Variants in ALK observed in about 807,000 individuals in gnomAD.
ALK encodes the protein ALK receptor tyrosine kinase.
A neutral mutation model predicts 163.1 loss-of-function variants in ALK; 74 were observed. That is an observed-to-expected ratio of 0.45 (90% CI 0.38 to 0.55). The LOEUF (loss-of-function observed/expected upper bound fraction) is 0.55, where lower values mean the gene tolerates loss of function less well. Among genes scored for constraint, ALK ranks in the 20% least tolerant of loss-of-function variants. ALK has a pLI of 0.00. For missense variants in ALK, 2,063 were observed against 2,105.3 expected (o/e 0.98, Z 0.39); for synonymous variants, 960 against 843.2 (o/e 1.14, Z -2.40).
chr2:29,259,736 T>C (rs1665037100), intron 11 of ALK, among the ~76,000 whole-genome samples: 1 of 152,144 alleles, frequency 6.6e-6, no homozygotes, highest in Admixed American at 6.5e-5. Context: ...TCATTCTGGG[T>C]TAATATTCTT....
intron 1 of ALK, among the ~76,000 whole-genome samples, chr2:29,802,770 T>A (rs1457652353): frequency 6.9e-6 from 1 of 144,470 alleles, no homozygotes; most frequent in Non-Finnish European, 1.5e-5. Context: ...CAAAAGAGAC[T>A]GGAACTCTTT....
At chr2:29,620,733 T>C (rs1181724084) in intron 3 of ALK, among the ~76,000 whole-genome samples, 3 of 152,168 alleles carry the variant, frequency 2.0e-5, no homozygotes, top group Non-Finnish European at 4.4e-5. Context: ...CCGTTCTAAA[T>C]GTTAGCAGAG....
At chr2:29,640,067 C>G (rs1382980406) in intron 3 of ALK, among the ~76,000 whole-genome samples, 1 of 152,172 alleles carries the variant, frequency 6.6e-6, no homozygotes, top group Admixed American at 6.5e-5. Context: ...AAGCTCAGCA[C>G]CTAATGCTGC....
At chr2:29,702,472 C>T (rs779238898) in intron 2 of ALK, among the ~76,000 whole-genome samples, 35 of 152,122 alleles carry the variant, frequency 2.3e-4, no homozygotes, top group Non-Finnish European at 4.6e-4. Flanking sequence ...AGGACTGAGT[C>T]AGAGGACACA....
intron 4 of ALK, among the ~76,000 whole-genome samples, chr2:29,454,509 C>T (rs1047008467): frequency 1.3e-5 from 2 of 152,070 alleles, no homozygotes; most frequent in Non-Finnish European, 2.9e-5. Context: ...TCCACAAATG[C>T]AGAACCCACA....
intron 3 of ALK, among the ~76,000 whole-genome samples, chr2:29,595,130 T>A (rs190184729): frequency 7.0e-4 from 106 of 152,306 alleles, no homozygotes; most frequent in African/African-American, 2.5e-3. Context: ...ATTTGAATAT[T>A]TGCATTACAC....
chr2:29,572,305 G>T (rs1213732525), intron 3 of ALK, among the ~76,000 whole-genome samples: 1 of 152,222 alleles, frequency 6.6e-6, no homozygotes, highest in East Asian at 1.9e-4. Context: ...GGAGACGTCA[G>T]CGTTGTGGGC....
At chr2:29,919,409 A>C (rs1210565557) in intron 1 of ALK, among the ~76,000 whole-genome samples, 2 of 141,648 alleles carry the variant, frequency 1.4e-5, no homozygotes, top group Admixed American at 7.0e-5. Context: ...GGATGAGTCG[A>C]GAGTGCATAG....
chr2:29,772,036 G>A (rs963644150), intron 1 of ALK, among the ~76,000 whole-genome samples: 12 of 152,206 alleles, frequency 7.9e-5, no homozygotes, highest in Non-Finnish European at 1.8e-4. Context: ...GCCAGATAAA[G>A]AGAATTCCCG....
intron 4 of ALK, among the ~76,000 whole-genome samples, chr2:29,513,650 G>A (rs1189139500): frequency 6.6e-6 from 1 of 151,680 alleles, no homozygotes; most frequent in Non-Finnish European, 1.5e-5. Context: ...TTGACAAATG[G>A]GATCTAATTA....
At chr2:29,468,316 T>C (rs1436300481) in intron 4 of ALK, among the ~76,000 whole-genome samples, 2 of 152,142 alleles carry the variant, frequency 1.3e-5, no homozygotes, top group Non-Finnish European at 2.9e-5. Context: ...CGTGAGCCAA[T>C]GCACCTGGCC....
rs917222669 is a variant in ALK, at chr2:29,202,575, C to T, written c.3938+4596G>A. On this transcript the variant is annotated intron_variant, in intron 26 of 28. Transcript: ENST00000389048. ...GTATGTTTCACATTTTTAAACAATG[C>T]GTGAAAGCGCAAACGATACTGTGTT... 9.2e-5 allele frequency among the ~76,000 whole-genome samples: 14 copies of T among 152,340 alleles called. No individual in the cohort carries two copies. In the East Asian group the frequency reaches 1.7e-3, roughly 19 times the overall value.
At chr2:29,292,558 C>T (rs1666060567) in intron 9 of ALK, among the ~76,000 whole-genome samples, 1 of 152,118 alleles carries the variant, frequency 6.6e-6, no homozygotes, top group African/African-American at 2.4e-5. Context: ...GGAAAAGTAG[C>T]TATGTGAGGT....
chr2:29,317,546 A>C (rs2148247171), intron 8 of ALK, among the ~76,000 whole-genome samples: 1 of 152,324 alleles, frequency 6.6e-6, no homozygotes, highest in Middle Eastern at 3.4e-3. Flanking sequence ...TGCTCTTCCA[A>C]GCCCTTTGGA....
At chr2:29,313,196 A>G (rs1324811992) in intron 8 of ALK, among the ~76,000 whole-genome samples, 2 of 152,182 alleles carry the variant, frequency 1.3e-5, no homozygotes, top group Non-Finnish European at 2.9e-5. Context: ...TTCTCCCTAG[A>G]TGGTCATCCG....
intron 1 of ALK, among the ~76,000 whole-genome samples, chr2:29,767,877 A>G (rs1323583229): frequency 1.3e-5 from 2 of 152,254 alleles, no homozygotes; most frequent in South Asian, 4.1e-4. Flanking sequence ...ATGAAAGGAC[A>G]TAACTCCAAG....
At chr2:29,847,829 G>T (rs775011678) in intron 1 of ALK, among the ~76,000 whole-genome samples, 1 of 151,718 alleles carries the variant, frequency 6.6e-6, no homozygotes, top group Non-Finnish European at 1.5e-5. Context: ...ATGAGAGAGC[G>T]TAGGAAGAGG....
chr2:29,229,062 A>G lies in ALK; in HGVS notation c.2637T>C (p.Gly879=). Residue 879 remains glycine (G), a synonymous_variant, in exon 16 of 29, where the codon GGT becomes GGC. Coordinates refer to ENST00000389048, the MANE Select transcript of ALK (RefSeq NM_004304.5). ...GLNGNSGAAG[G]GGGWNDNTSL... is the part of the protein sequence containing the mutation. ...AAGTGTTATCATTCCAGCCACCTCC[A>G]CCACCTGCGGGAAGAGATAGGGAAC... The G allele has an allele frequency of 6.2e-7, 1 of 1,613,730 alleles. No individual in the cohort carries two copies. Among genetic ancestry groups the G allele is most frequent in the Non-Finnish European group, 8.5e-7 (1 of 1,179,908 alleles).
At chr2:29,247,458 G>A (rs1558636888) in intron 12 of ALK, among the ~76,000 whole-genome samples, 1 of 152,248 alleles carries the variant, frequency 6.6e-6, no homozygotes, top group East Asian at 1.9e-4. Flanking sequence ...GGGAAGGCAG[G>A]ACATGGTGGG....
Sources: allele counts gnomAD v4.1 joint callset (sites outside exome capture counted in the v4.1 genomes callset), GRCh38; gene constraint gnomAD v4.1.1; transcripts MANE v1.5; gene names NCBI Gene and HGNC (gene_info 2026-07-23, HGNC 2026-07-21).